The following SCAND3 variants were observed in gnomAD, a reference collection of about 807,000 sequenced individuals.
SCAND3 encodes SCAN domain-containing protein 3.
the SCAND3 span, among the ~76,000 whole-genome samples, chr6:28,597,362 C>G: frequency 6.6e-6 from 1 of 152,206 alleles, no homozygotes; most frequent in Non-Finnish European, 1.5e-5. Context: ...GATTCGAACC[C>G]ACGCGTGCAG....
the SCAND3 span, among the ~76,000 whole-genome samples, chr6:28,596,682 A>T: frequency 6.6e-6 from 1 of 152,154 alleles, no homozygotes; most frequent in Non-Finnish European, 1.5e-5. Context: ...TTCAATATGG[A>T]CATTCCTCTC....
At chr6:28,613,885 C>T in the SCAND3 span, among the ~76,000 whole-genome samples, 5 of 152,202 alleles carry the variant, frequency 3.3e-5, no homozygotes, top group East Asian at 3.8e-4. Context: ...TTCCCTCCCA[C>T]TTCCACTAAA....
At chr6:28,586,701 C>T in the SCAND3 span, 1 of 1,613,334 alleles carries the variant, frequency 6.2e-7, no homozygotes, top group Admixed American at 1.7e-5. The surrounding 1 kb of genome is among the most constrained non-coding windows in gnomAD (Gnocchi z 4.4). Context: ...TGGGAAGACC[C>T]TAGAGACTGC....
At chr6:28,604,509 G>C in the SCAND3 span, among the ~76,000 whole-genome samples, 256 of 151,842 alleles carry the variant, frequency 1.7e-3, no homozygotes, top group Middle Eastern at 3.4e-3. Context: ...CCAGCTATTC[G>C]GGAGGCTGAG....
At chr6:28,603,036 C>T in the SCAND3 span, among the ~76,000 whole-genome samples, 1 of 143,734 alleles carries the variant, frequency 7.0e-6, no homozygotes, top group East Asian at 2.0e-4. Context: ...GATCTCGGCT[C>T]ACTGCAAACT....
the SCAND3 span, among the ~76,000 whole-genome samples, chr6:28,615,526 T>C: frequency 6.8e-6 from 1 of 147,902 alleles, no homozygotes; most frequent in Non-Finnish European, 1.5e-5. Context: ...GGCAGGAGAA[T>C]CACTTGTACG....
At chr6:28,600,974 T>A in the SCAND3 span, among the ~76,000 whole-genome samples, 1 of 144,114 alleles carries the variant, frequency 6.9e-6, no homozygotes, top group Non-Finnish European at 1.5e-5. Context: ...CGATCTCGGC[T>A]CACCGCAAGC....
At chr6:28,605,448 G>A in the SCAND3 span, among the ~76,000 whole-genome samples, 2 of 151,992 alleles carry the variant, frequency 1.3e-5, no homozygotes, top group Admixed American at 6.6e-5. Context: ...ATATAAGCAC[G>A]CAAGATTATC....
the SCAND3 span, among the ~76,000 whole-genome samples, chr6:28,612,362 C>T: frequency 6.6e-6 from 1 of 152,176 alleles, no homozygotes; most frequent in African/African-American, 2.4e-5. Context: ...TAAGAACACT[C>T]TGTGAATTTT....
chr6:28,614,016 C>T, the SCAND3 span, among the ~76,000 whole-genome samples: 3 of 150,652 alleles, frequency 2.0e-5, no homozygotes, highest in East Asian at 2.0e-4. Flanking sequence ...CAGGATGGAG[C>T]GCAATGGCGT....
the SCAND3 span, among the ~76,000 whole-genome samples, chr6:28,592,500 C>G: frequency 6.6e-6 from 1 of 152,146 alleles, no homozygotes; most frequent in Non-Finnish European, 1.5e-5. The surrounding 1 kb of genome is among the most constrained non-coding windows in gnomAD (Gnocchi z 4.1). Flanking sequence ...GTCTACACTA[C>G]CCAAAGCTAT....
the SCAND3 span, chr6:28,575,074 A>C: frequency 6.2e-7 from 1 of 1,614,126 alleles, no homozygotes; most frequent in South Asian, 1.1e-5. This position sits in a 1 kb window ranked among gnomAD's most constrained non-coding sequence, Gnocchi z 4.2. Flanking sequence ...TTCTGTATGC[A>C]AGCTGGCAAC....
the SCAND3 span, chr6:28,591,056 G>A: frequency 4.6e-5 from 7 of 152,130 alleles, no homozygotes; most frequent in African/African-American, 1.2e-4. Flanking sequence ...CCATCCTTCC[G>A]ACCAACACCA....
chr6:28,575,433 T>G, the SCAND3 span: 1 of 1,614,006 alleles, frequency 6.2e-7, no homozygotes, highest in Non-Finnish European at 8.5e-7. This position sits in a 1 kb window ranked among gnomAD's most constrained non-coding sequence, Gnocchi z 4.2. Context: ...TAATTGTAAA[T>G]ATATCTAAAA....
the SCAND3 span, chr6:28,579,423 T>C: frequency 6.2e-7 from 1 of 1,608,338 alleles, no homozygotes; most frequent in Non-Finnish European, 8.5e-7. This position sits in a 1 kb window ranked among gnomAD's most constrained non-coding sequence, Gnocchi z 4.5. Context: ...GTGAGACCTG[T>C]GGACAAGTAG....
the SCAND3 span, among the ~76,000 whole-genome samples, chr6:28,597,193 A>C: frequency 6.6e-6 from 1 of 152,334 alleles, no homozygotes; most frequent in East Asian, 1.9e-4. Flanking sequence ...AGAATCTTGT[A>C]CTCAGAACTG....
the SCAND3 span, chr6:28,585,391 G>A: frequency 6.6e-6 from 1 of 152,296 alleles, no homozygotes; most frequent in Non-Finnish European, 1.5e-5. Context: ...GCCAGAGGAA[G>A]GATGTGGGGG....
chr6:28,611,462 G>T, the SCAND3 span, among the ~76,000 whole-genome samples: 51 of 152,276 alleles, frequency 3.3e-4, no homozygotes, highest in South Asian at 7.1e-3. Context: ...ACTAACAAAA[G>T]GATATAAATG....
chr6:28,595,329 T>A, the SCAND3 span, among the ~76,000 whole-genome samples: 2 of 12,110 alleles, frequency 1.7e-4, no homozygotes, highest in Non-Finnish European at 2.2e-4. Flanking sequence ...AAACCCAGTC[T>A]CAAAAAAAAA....
Sources: allele counts gnomAD v4.1 joint callset (sites outside exome capture counted in the v4.1 genomes callset), GRCh38; gene constraint gnomAD v4.1.1; non-coding constraint Gnocchi (gnomAD v3.1); transcripts MANE v1.5; gene names NCBI Gene and HGNC (gene_info 2026-07-23, HGNC 2026-07-21).